The following NFIA variants were observed in gnomAD, a reference collection of about 807,000 sequenced individuals.
NFIA encodes the protein nuclear factor I A, also known as nuclear factor 1 A-type.
NFIA carries 8 observed loss-of-function variants against 62.8 expected under a neutral mutation model. That is an observed-to-expected ratio of 0.13 (90% CI 0.07 to 0.23). The LOEUF (loss-of-function observed/expected upper bound fraction) is 0.23. Among genes scored for constraint, NFIA ranks in the 10% least tolerant of loss-of-function variants. NFIA has a pLI of 1.00. For synonymous variants in NFIA, 235 were observed against 238.1 expected, an observed-to-expected ratio of 0.99 and a Z score of 0.12; for missense variants, 410 against 642.1, an observed-to-expected ratio of 0.64 and a Z score of 3.91.
chr1:61,354,102 T>C (rs1253585019), intron 5 of NFIA, among the ~76,000 whole-genome samples: 3 of 152,228 alleles, frequency 2.0e-5, no homozygotes, highest in Non-Finnish European at 4.4e-5. Context: ...TTTCACACAA[T>C]TCTCCAGCTA....
At chr1:61,426,592 C>T in intron 10 of NFIA, 36 bp downstream of exon 10, 1 of 1,461,508 alleles carries the variant, frequency 6.8e-7, no homozygotes, top group Non-Finnish European at 9.4e-7. Context: ...TGTGGTGCAG[C>T]TTGTATTATT....
intron 2 of NFIA, among the ~76,000 whole-genome samples, chr1:61,203,913 A>G (rs1457582622): frequency 6.6e-6 from 1 of 152,188 alleles, no homozygotes; most frequent in South Asian, 2.1e-4. Flanking sequence ...GCCAGGCTCC[A>G]TTTGGATTAT....
At chr1:61,223,139 G>A (rs1654121196) in intron 2 of NFIA, among the ~76,000 whole-genome samples, 1 of 151,662 alleles carries the variant, frequency 6.6e-6, no homozygotes, top group South Asian at 2.1e-4. Context: ...CTTTTTAACT[G>A]GAATTTTTTA....
chr1:61,130,385 T>G (rs1311569573), intron 2 of NFIA, among the ~76,000 whole-genome samples: 1 of 152,142 alleles, frequency 6.6e-6, no homozygotes. Flanking sequence ...CCCTGTAACT[T>G]TCAGATCTTC....
At chr1:61,342,503 T>C (rs1309217820) in intron 4 of NFIA, among the ~76,000 whole-genome samples, 1 of 152,198 alleles carries the variant, frequency 6.6e-6, no homozygotes, top group Admixed American at 6.5e-5. Context: ...AGAAAATCAA[T>C]TTCAGCCCCC....
At chr1:61,362,951 A>G (rs1174477275) in intron 6 of NFIA, among the ~76,000 whole-genome samples, 3 of 152,230 alleles carry the variant, frequency 2.0e-5, no homozygotes, top group South Asian at 2.1e-4. Context: ...GATAAACAGG[A>G]AAGAAACCAA....
intron 3 of NFIA, among the ~76,000 whole-genome samples, chr1:61,297,162 C>T (rs1448527112): frequency 6.6e-6 from 1 of 152,096 alleles, no homozygotes; most frequent in Non-Finnish European, 1.5e-5. Context: ...AATATAGGAC[C>T]TGTAGATAAA....
intron 2 of NFIA, among the ~76,000 whole-genome samples, chr1:61,218,790 T>G (rs1373817739): frequency 3.3e-5 from 5 of 152,224 alleles, no homozygotes; most frequent in Non-Finnish European, 7.3e-5. Flanking sequence ...TCACTGAGTT[T>G]GTTTGCAAGT....
chr1:61,207,667 C>G (rs1160391125), intron 2 of NFIA, among the ~76,000 whole-genome samples: 1 of 152,208 alleles, frequency 6.6e-6, no homozygotes, highest in Non-Finnish European at 1.5e-5. Flanking sequence ...ATGAATCTCT[C>G]TTCTGTGAAG....
chr1:61,197,527 G>A (rs369542062), intron 2 of NFIA, among the ~76,000 whole-genome samples: 3 of 151,136 alleles, frequency 2.0e-5, no homozygotes, highest in South Asian at 4.2e-4. Context: ...GTGAGCCACC[G>A]CACCCGGCCA....
intron 2 of NFIA, among the ~76,000 whole-genome samples, chr1:61,269,494 G>A (rs764883983): frequency 6.6e-6 from 1 of 152,192 alleles, no homozygotes; most frequent in Non-Finnish European, 1.5e-5. Flanking sequence ...GTGACAAAGA[G>A]TTAGAGCTGG....
chr1:61,375,343 G>A (rs1002214433), intron 6 of NFIA, among the ~76,000 whole-genome samples: 2 of 152,112 alleles, frequency 1.3e-5, no homozygotes, highest in South Asian at 2.1e-4. Flanking sequence ...TGACTGAGCT[G>A]TCTGTTCCCC....
intron 2 of NFIA, among the ~76,000 whole-genome samples, chr1:61,200,768 C>G (rs1269894176): frequency 6.6e-6 from 1 of 152,028 alleles, no homozygotes; most frequent in Non-Finnish European, 1.5e-5. Context: ...TGAAGAAAAC[C>G]TAAACAAACC....
At chr1:61,316,146 C>T (rs1023412791) in intron 3 of NFIA, among the ~76,000 whole-genome samples, 1 of 152,142 alleles carries the variant, frequency 6.6e-6, no homozygotes, top group Admixed American at 6.5e-5. Context: ...CCTCCCAACC[C>T]CCCTCAACCA....
chr1:61,384,563 T>A (rs1664584092), intron 7 of NFIA, among the ~76,000 whole-genome samples: 1 of 152,154 alleles, frequency 6.6e-6, no homozygotes, highest in African/African-American at 2.4e-5. Flanking sequence ...TGCATCAGAA[T>A]TAGATTATAA....
At chr1:61,170,821 G>T (rs966787107) in intron 2 of NFIA, among the ~76,000 whole-genome samples, 2 of 152,150 alleles carry the variant, frequency 1.3e-5, no homozygotes, top group Non-Finnish European at 2.9e-5. Flanking sequence ...CATCAGTGAT[G>T]GTGCACCCAC....
At chr1:61,319,790 A>AAC (rs58845526) in intron 3 of NFIA, among the ~76,000 whole-genome samples, 6,416 of 139,482 alleles carry the variant, frequency 0.046, 198 homozygotes, top group African/African-American at 0.076. Context: ...GGAAGAATTA[A>AAC]ACACACACAC....
At position 61,158,635 on chromosome 1, in the gene NFIA, G is replaced by A. The variant is rs892784776; in HGVS notation, c.559+69955G>A. The stretch of plus-strand genomic sequence containing the variant: ...TCAATGGAAGAGATTGATTTGAAAA[G>A]TTGAAGGAAAAATCGTGCATACATG... On this transcript the variant is annotated intron_variant, in intron 2 of 10. Transcript: ENST00000403491. Among the ~76,000 whole-genome samples, 9 of 152,188 alleles carry A rather than the reference G, an allele frequency of 5.9e-5. No individual in the cohort carries two copies. The East Asian group carries it at 1.7e-3, about 29-fold the overall frequency.
chr1:61,124,188 C>T (rs1053373262), intron 2 of NFIA, among the ~76,000 whole-genome samples: 2 of 152,182 alleles, frequency 1.3e-5, no homozygotes, highest in African/African-American at 2.4e-5. Flanking sequence ...ATTGGCCAGT[C>T]GTTCAGCTTC....
Sources: allele counts gnomAD v4.1 joint callset (sites outside exome capture counted in the v4.1 genomes callset), GRCh38; gene constraint gnomAD v4.1.1; transcripts MANE v1.5; gene names NCBI Gene and HGNC (gene_info 2026-07-23, HGNC 2026-07-21).